PCDH11X: variants seen among roughly 807,000 people sequenced by gnomAD.
The protein encoded by PCDH11X is protocadherin-11 X-linked.
A neutral mutation model predicts 53.3 loss-of-function variants in PCDH11X; 18 were observed. The observed-to-expected ratio is 0.34, with a 90% confidence interval of 0.23 to 0.50. PCDH11X has a LOEUF of 0.50. PCDH11X is among the 20% of genes least tolerant of loss of function. PCDH11X has a pLI of 0.98. For missense variants in PCDH11X, 570 were observed against 1,032.4 expected, an observed-to-expected ratio of 0.55 and a Z score of 6.14; for synonymous variants, 279 against 393.3, an observed-to-expected ratio of 0.71 and a Z score of 3.44.
At chrX:92,232,336 T>A (rs1232518408) in intron 7 of PCDH11X, among the ~76,000 whole-genome samples, 1 of 111,257 alleles carries the variant, frequency 9.0e-6, no homozygotes, top group East Asian at 2.8e-4. Context: ...GGTCTAACAG[T>A]CAAGACTAGA....
At chrX:92,271,812 A>G (rs1339564994) in intron 8 of PCDH11X, among the ~76,000 whole-genome samples, 2 of 112,369 alleles carry the variant, frequency 1.8e-5, no homozygotes, top group Non-Finnish European at 3.7e-5. Context: ...TAAGCTTTAT[A>G]GTAATTAAAG....
chrX:92,262,525 A>G lies in PCDH11X; in HGVS notation c.3115-589A>G, dbSNP rs772989295. ...AAAAGTCTTAAATAAAATGAAAAGAATGACTTCCGTGATGATATTAAAAAG... is the reference window on the plus strand; with the variant it reads ...AAAAGTCTTAAATAAAATGAAAAGAGTGACTTCCGTGATGATATTAAAAAG... On this transcript the variant is annotated intron_variant, in intron 7 of 10. Transcript: ENST00000682573. Among the ~76,000 whole-genome samples, 5 of 111,728 alleles carry G rather than the reference A, an allele frequency of 4.5e-5. No individual in the cohort carries two copies. The South Asian group carries it at 1.5e-3, about 33-fold the overall frequency.
chrX:92,434,648 C>A (rs2072327935), intron 9 of PCDH11X, among the ~76,000 whole-genome samples: 1 of 105,422 alleles, frequency 9.5e-6, no homozygotes, highest in Non-Finnish European at 1.9e-5. Flanking sequence ...CTTAAGAGGT[C>A]CTTCTGCCAC....
At chrX:91,834,954 G>A (rs2524439) in intron 4 of PCDH11X, 12 of 769,175 alleles carry the variant, frequency 1.6e-5, no homozygotes, top group African/African-American at 7.2e-5. Flanking sequence ...TCCTTGCCTC[G>A]TTTTATCCAG....
chrX:92,293,620 C>T (rs1331718670), intron 8 of PCDH11X, among the ~76,000 whole-genome samples: 1 of 77,358 alleles, frequency 1.3e-5, no homozygotes, highest in Non-Finnish European at 2.1e-5. Context: ...GAGACTCCGT[C>T]TCAAAAAAAA....
At chrX:92,552,994 C>CGTGTGTGTGTGTGTGT (rs57655496) in intron 10 of PCDH11X, among the ~76,000 whole-genome samples, 57 of 88,909 alleles carry the variant, frequency 6.4e-4, no homozygotes, top group South Asian at 6.2e-3. Flanking sequence ...CTGCAATTTT[C>CGTGTGTGTGTGTGTGT]GTGTGTGTGT....
At chrX:91,869,007 C>G (rs1323436578) in intron 5 of PCDH11X, among the ~76,000 whole-genome samples, 2 of 111,365 alleles carry the variant, frequency 1.8e-5, no homozygotes, top group Non-Finnish European at 3.8e-5. Context: ...GTTTTGAGAA[C>G]CTGACTCAAT....
intron 6 of PCDH11X, among the ~76,000 whole-genome samples, chrX:91,967,524 C>G: frequency 9.2e-6 from 1 of 109,131 alleles, no homozygotes; most frequent in Middle Eastern, 4.8e-3. Flanking sequence ...AAACCATTAT[C>G]CACCCACCCA....
At chrX:92,605,703 TAAG>T (rs1165194072) in intron 10 of PCDH11X, among the ~76,000 whole-genome samples, 1 of 111,737 alleles carries the variant, frequency 8.9e-6, no homozygotes, top group Non-Finnish European at 1.9e-5. Flanking sequence ...TTAAAAAAAT[TAAG>T]AGAATCTCAT....
rs1383203529 is a variant in PCDH11X at position 92,572,279 on chromosome X, G to A, written c.3368-45985G>A. Among the ~76,000 whole-genome samples, 4 of 110,553 alleles carry A rather than the reference G, an allele frequency of 3.6e-5. No homozygotes were observed. In the East Asian group the frequency reaches 8.5e-4, roughly 24 times the overall value. On this transcript the variant is annotated intron_variant, in intron 10 of 10. Coordinates refer to ENST00000682573, the MANE Select transcript of PCDH11X (RefSeq NM_032968.5). ...GTTGAGAGCAGTTCTTAGTAGGCAC[G>A]TCTTATGTAATGGATGTGAGCAGCG...
intron 1 of PCDH11X, among the ~76,000 whole-genome samples, chrX:91,790,142 A>G (rs1252327693): frequency 9.2e-6 from 1 of 108,847 alleles, no homozygotes; most frequent in Non-Finnish European, 1.9e-5. Flanking sequence ...AAAGTTTTAA[A>G]TTCAACTAGA....
At chrX:91,839,781 AT>A (rs957645209) in intron 5 of PCDH11X, among the ~76,000 whole-genome samples, 5 of 111,269 alleles carry the variant, frequency 4.5e-5, no homozygotes, top group African/African-American at 1.3e-4. Context: ...AAGAAAAAAA[AT>A]CATCTATAAG....
intron 8 of PCDH11X, among the ~76,000 whole-genome samples, chrX:92,267,663 G>A (rs2067862992): frequency 1.8e-5 from 2 of 112,479 alleles, no homozygotes; most frequent in South Asian, 7.3e-4. Context: ...TCTCCTAAAA[G>A]CATAATTTAG....
intron 6 of PCDH11X, among the ~76,000 whole-genome samples, chrX:92,134,486 A>T (rs1399896360): frequency 9.0e-6 from 1 of 110,998 alleles, no homozygotes; most frequent in Non-Finnish European, 1.9e-5. Flanking sequence ...ACAAGCAAAA[A>T]AAAGACGAGA....
In PCDH11X at chrX:92,096,438, A is replaced by ATGTGTGTGTG. The variant is rs10591250; in HGVS notation, c.3034-104909_3034-104900dup. ...GGGGCCCTAAGTGGAGTGTATGTGT[A>ATGTGTGTGTG]TGTGTGTGTGTGTGTGTGTGTGTGT... On this transcript the variant is annotated intron_variant, in intron 6 of 10. Transcript: ENST00000682573. Among the ~76,000 whole-genome samples the ATGTGTGTGTG allele has an allele frequency of 5.5e-4, 52 of 94,411 alleles. 2 individuals are homozygous for ATGTGTGTGTG. The South Asian group carries it at 6.2e-3, about 11-fold the overall frequency. 82.0% of individuals were successfully genotyped at this position (94,411 alleles called of 115,157 possible). A position where few individuals can be genotyped will look rare whatever the true frequency, so the allele number is the denominator to read the frequency against.
chrX:92,442,786 A>G (rs973737551), intron 9 of PCDH11X, among the ~76,000 whole-genome samples: 1 of 110,554 alleles, frequency 9.0e-6, no homozygotes, highest in Non-Finnish European at 1.9e-5. Flanking sequence ...CAGTGTATAC[A>G]TAACACACTT....
intron 6 of PCDH11X, among the ~76,000 whole-genome samples, chrX:92,130,240 A>T (rs1256206429): frequency 9.0e-6 from 1 of 111,311 alleles, no homozygotes; most frequent in Non-Finnish European, 1.9e-5. Flanking sequence ...ATTTACTCCT[A>T]TATTTTCATT....
Position 91,835,641 on chromosome X carries a change from A to G in PCDH11X, c.137A>G (p.Asp46Gly). The G allele has an allele frequency of 8.3e-7, 1 of 1,211,244 alleles. No individual in the cohort carries two copies. The highest frequency in any genetic ancestry group is 1.7e-5 in the African/African-American group (1 of 57,629). The change falls in exon 5 of 11, where the codon GAC (aspartate) becomes GGC (glycine). Residue 46 changes from aspartate (D) to glycine (G), a missense_variant. Coordinates refer to ENST00000682573, the MANE Select transcript of PCDH11X (RefSeq NM_032968.5). ...ENVLIGDLLK[D>G]LNLSLIPNKS... Reference sequence around the variant, plus strand: ...GTCCTGATAGGCGACTTGTTGAAAGACCTTAACTTGTCGCTGATTCCAAAC... The same window carrying G: ...GTCCTGATAGGCGACTTGTTGAAAGGCCTTAACTTGTCGCTGATTCCAAAC...
chrX:92,436,699 A>G (rs2072383123), intron 9 of PCDH11X, among the ~76,000 whole-genome samples: 2 of 111,408 alleles, frequency 1.8e-5, no homozygotes, highest in Admixed American at 9.6e-5. Flanking sequence ...CATTATCCTT[A>G]GCAAACTAAT....
Sources: allele counts gnomAD v4.1 joint callset (sites outside exome capture counted in the v4.1 genomes callset), GRCh38; gene constraint gnomAD v4.1.1; transcripts MANE v1.5; gene names NCBI Gene and HGNC (gene_info 2026-07-23, HGNC 2026-07-21).